The following ZCWPW2 variants were observed in gnomAD, a reference collection of about 807,000 sequenced individuals.
The protein encoded by ZCWPW2 is zinc finger CW-type PWWP domain protein 2.
In ZCWPW2, 45 loss-of-function variants were observed where a neutral mutation model predicts 46.6. The ratio of observed to expected loss-of-function variants is 0.96; its 90% confidence interval spans 0.76 to 1.24. ZCWPW2 has a LOEUF of 1.24. Ranked by LOEUF, ZCWPW2 falls within the 50% of genes most tolerant of loss-of-function variation. The pLI is 0.00. For missense variants in ZCWPW2, 429 were observed against 403.9 expected (o/e 1.06, Z -0.53); for synonymous variants, 152 against 137.1 (o/e 1.11, Z -0.76).
intron 1 of ZCWPW2, among the ~76,000 whole-genome samples, chr3:28,359,672 G>GT (rs113625500): frequency 0.48 from 73,306 of 151,620 alleles, 18,229 homozygotes; most frequent in Non-Finnish European, 0.53. Flanking sequence ...GTTATTCATT[G>GT]CTTTTTAGGA....
intron 5 of ZCWPW2, among the ~76,000 whole-genome samples, chr3:28,484,704 C>G (rs756907646): frequency 2.0e-5 from 3 of 150,702 alleles, no homozygotes; most frequent in Non-Finnish European, 4.4e-5. Context: ...CTCCCTCCCT[C>G]CCTTCTTCCC....
intron 2 of ZCWPW2, among the ~76,000 whole-genome samples, chr3:28,412,421 ATTT>A (rs1696436931): frequency 2.0e-5 from 3 of 151,976 alleles, no homozygotes; most frequent in Non-Finnish European, 4.4e-5. Flanking sequence ...ATTTTGCTGC[ATTT>A]GATTTCCTGA....
intron 6 of ZCWPW2, among the ~76,000 whole-genome samples, chr3:28,499,845 TA>T (rs1700093935): frequency 6.6e-6 from 1 of 152,134 alleles, no homozygotes; most frequent in Non-Finnish European, 1.5e-5. Flanking sequence ...AGACACTTAT[TA>T]GTTATTAATA....
intron 1 of ZCWPW2, among the ~76,000 whole-genome samples, chr3:28,382,006 T>C (rs1194244949): frequency 6.6e-6 from 1 of 151,678 alleles, no homozygotes; most frequent in Non-Finnish European, 1.5e-5. Context: ...CTACTAAAAA[T>C]ACAAAATTAG....
intron 4 of ZCWPW2, among the ~76,000 whole-genome samples, chr3:28,459,186 C>T (rs777724479): frequency 2.7e-4 from 41 of 151,868 alleles, no homozygotes; most frequent in Admixed American, 2.4e-3. Flanking sequence ...CTGGCTAACA[C>T]GGTGAAACCC....
chr3:28,439,777 A>T (rs1241879515), intron 4 of ZCWPW2, among the ~76,000 whole-genome samples: 1 of 152,222 alleles, frequency 6.6e-6, no homozygotes, highest in Non-Finnish European at 1.5e-5. Flanking sequence ...TGATAAAGGA[A>T]AAAGGAAATA....
intron 4 of ZCWPW2, among the ~76,000 whole-genome samples, chr3:28,447,528 A>G (rs887131297): frequency 3.9e-5 from 6 of 152,144 alleles, no homozygotes; most frequent in Non-Finnish European, 5.9e-5. Flanking sequence ...AAAGCCATAT[A>G]TGAAAACTCA....
At chr3:28,377,445 A>G (rs1705539289) in intron 1 of ZCWPW2, among the ~76,000 whole-genome samples, 1 of 152,114 alleles carries the variant, frequency 6.6e-6, no homozygotes, top group Non-Finnish European at 1.5e-5. Context: ...TTTGAATGTC[A>G]AGTTACAATT....
chr3:28,368,424 G>A (rs1347303596), intron 1 of ZCWPW2, among the ~76,000 whole-genome samples: 3 of 152,106 alleles, frequency 2.0e-5, no homozygotes, highest in Non-Finnish European at 2.9e-5. Context: ...ATGAAGCTTA[G>A]TTTGGCTGGA....
chr3:28,507,420 T>C (rs1700305524), intron 6 of ZCWPW2, among the ~76,000 whole-genome samples: 1 of 152,074 alleles, frequency 6.6e-6, no homozygotes, highest in African/African-American at 2.4e-5. Context: ...TGATACTTAA[T>C]AACAATATAG....
At chr3:28,510,910 G>A (rs1196666762) in intron 6 of ZCWPW2, 1 of 349,656 alleles carries the variant, frequency 2.9e-6, no homozygotes, top group African/African-American at 2.1e-5. Flanking sequence ...GGATTAGTAG[G>A]GAATGAAACA....
rs759971088 is a variant in ZCWPW2 at position 28,349,053 on chromosome 3, G to A, written c.-284G>A. ...GAGGAAACCGGAAGTCAGGCCCGAGGGAGCTGGGAGGGCGTTAGCGAAGCC... is the reference window on the plus strand; with the variant it reads ...GAGGAAACCGGAAGTCAGGCCCGAGAGAGCTGGGAGGGCGTTAGCGAAGCC... On this transcript the variant is annotated 5_prime_UTR_variant, in exon 1 of 10. Transcript: ENST00000383768. The A allele has an allele frequency of 1.0e-6, 1 of 986,040 alleles. No individual in the cohort carries two copies. Among genetic ancestry groups the A allele is most frequent in the Non-Finnish European group, 1.2e-6 (1 of 830,394 alleles). 61.1% of individuals were successfully genotyped at this position (986,040 alleles called of 1,614,324 possible).
chr3:28,355,074 C>G (rs1233374498), intron 1 of ZCWPW2, among the ~76,000 whole-genome samples: 2 of 151,874 alleles, frequency 1.3e-5, no homozygotes, highest in African/African-American at 2.4e-5. Flanking sequence ...TCCCTGTTTG[C>G]AGATGACATG....
intron 2 of ZCWPW2, among the ~76,000 whole-genome samples, chr3:28,400,088 AC>A (rs1207590638): frequency 6.6e-6 from 1 of 152,184 alleles, no homozygotes; most frequent in Admixed American, 6.5e-5. Context: ...AAACAAAAAA[AC>A]AATCAAAACT....
chr3:28,479,420 A>C (rs1434100440), intron 5 of ZCWPW2, among the ~76,000 whole-genome samples: 2 of 152,194 alleles, frequency 1.3e-5, no homozygotes, highest in Admixed American at 6.6e-5. Context: ...ATAATATTTT[A>C]GGTTATTTTC....
At chr3:28,455,380 A>T (rs1009382250) in intron 4 of ZCWPW2, among the ~76,000 whole-genome samples, 4 of 152,178 alleles carry the variant, frequency 2.6e-5, no homozygotes, top group Non-Finnish European at 5.9e-5. Flanking sequence ...GATGGTGGAT[A>T]TTAGACTTTT....
At chr3:28,459,665 G>A (rs984449710) in intron 4 of ZCWPW2, among the ~76,000 whole-genome samples, 12 of 152,030 alleles carry the variant, frequency 7.9e-5, no homozygotes, top group African/African-American at 2.7e-4. Flanking sequence ...TCTTCTTTTG[G>A]TGGTGCCTGA....
chr3:28,399,097 G>T (rs1695820826), intron 2 of ZCWPW2, among the ~76,000 whole-genome samples: 1 of 152,146 alleles, frequency 6.6e-6, no homozygotes, highest in Admixed American at 6.5e-5. Context: ...TGTTGCTGGG[G>T]GCATGGTGGG....
intron 3 of ZCWPW2, among the ~76,000 whole-genome samples, chr3:28,428,869 A>G (rs1184630181): frequency 3.9e-5 from 6 of 152,036 alleles, no homozygotes; most frequent in Non-Finnish European, 8.8e-5. Context: ...CCCTTTTGTC[A>G]TGATTTTAAG....
Sources: gnomAD v4.1 joint callset for allele counts (sites outside exome capture counted in the v4.1 genomes callset) on GRCh38, gnomAD v4.1.1 for gene constraint, MANE v1.5 for transcripts, NCBI Gene and HGNC (gene_info 2026-07-23, HGNC 2026-07-21) for gene names.